TBC1D15: variants seen among roughly 807,000 people sequenced by gnomAD.
TBC1D15 encodes GAP for RAB7.
A neutral mutation model predicts 95.4 loss-of-function variants in TBC1D15; 39 were observed. The observed-to-expected ratio is 0.41, with a 90% CI of 0.32 to 0.53. The LOEUF is 0.53. Ranked by LOEUF, TBC1D15 falls within the 20% of genes least tolerant of loss-of-function variation. TBC1D15 has a pLI of 0.29. For missense variants in TBC1D15, 733 were observed against 794.3 expected (o/e 0.92, Z 0.93); for synonymous variants, 258 against 261.3 (o/e 0.99, Z 0.12).
At chr12:71,872,746 T>A (rs1045940436) in intron 2 of TBC1D15, among the ~76,000 whole-genome samples, 183 bp from the exon 3 acceptor site, 2 of 152,320 alleles carry the variant, frequency 1.3e-5, no homozygotes, top group Admixed American at 1.3e-4. Flanking sequence ...TATAAATTTT[T>A]CATGATGAAA....
chr12:71,919,198 G>A (rs1868338262), intron 14 of TBC1D15, among the ~76,000 whole-genome samples: 3 of 117,850 alleles, frequency 2.5e-5, no homozygotes, highest in South Asian at 5.7e-4. Context: ...ATAAATCAGT[G>A]TGCTTTTTTT....
chr12:71,918,560 AATT>A lies in TBC1D15; in HGVS notation c.1599+18_1599+20del, dbSNP rs759483354. 2.8e-6 allele frequency: 4 copies of A among 1,441,950 alleles called. No individual in the cohort carries two copies. The highest frequency in any genetic ancestry group is 1.2e-5 in the South Asian group (1 of 82,686). The allele number at this position is 1,441,950 out of a possible 1,614,324, so 89.3% of individuals were successfully genotyped here. A position where few individuals can be genotyped will look rare whatever the true frequency, so the allele number is the denominator to read the frequency against. ...TTCGATTATGGGAGGTAAGTCCTTAAATTATTATGCAAATGTGATATTTATTAT... is the reference window on the plus strand; with the variant it reads ...TTCGATTATGGGAGGTAAGTCCTTAAATTATGCAAATGTGATATTTATTAT... On this transcript the variant is annotated intron_variant, in intron 14 of 16. Transcript: ENST00000485960.
At chr12:71,917,891 G>GC in intron 13 of TBC1D15, 94 bp downstream of exon 13, 1 of 790,190 alleles carries the variant, frequency 1.3e-6, no homozygotes, top group Non-Finnish European at 2.1e-6. Flanking sequence ...AGGTGCAGTG[G>GC]CTCATGCCTA....
intron 9 of TBC1D15, chr12:71,897,267 A>C (rs1255756691): frequency 1.3e-5 from 2 of 154,010 alleles, no homozygotes; most frequent in African/African-American, 2.4e-5. Context: ...CTTGAAAGGA[A>C]ACACAGACCA....
At chr12:71,909,695 A>G (rs141184768) in intron 11 of TBC1D15, among the ~76,000 whole-genome samples, 26 of 152,232 alleles carry the variant, frequency 1.7e-4, no homozygotes, top group African/African-American at 5.1e-4. Flanking sequence ...GGTGTAAGCA[A>G]GTGTACAGTA....
chr12:71,858,109 C>G (rs1889521990), intron 1 of TBC1D15, among the ~76,000 whole-genome samples: 2 of 151,722 alleles, frequency 1.3e-5, no homozygotes, highest in South Asian at 4.1e-4. Flanking sequence ...TTTCGCTCTT[C>G]TTGCCCAGGC....
At chr12:71,896,606 A>G in intron 8 of TBC1D15, 71 bp from the exon 9 acceptor site, 2 of 1,295,870 alleles carry the variant, frequency 1.5e-6, no homozygotes, top group South Asian at 2.6e-5. Flanking sequence ...TCCTTTTTAT[A>G]TGCAAGTTTT....
At position 71,880,588 on chromosome 12, in the gene TBC1D15, G is replaced by T; in HGVS notation, c.324G>T (p.Arg108Ser). 1 of 1,610,946 alleles carries T rather than the reference G, an allele frequency of 6.2e-7. No individual in the cohort carries two copies. Among genetic ancestry groups the T allele is most frequent in the Non-Finnish European group, 8.5e-7 (1 of 1,178,558 alleles). The change falls in exon 4 of 17, where the codon AGG (arginine) becomes AGT (serine). Residue 108 changes from arginine (R) to serine (S), a missense_variant. Transcript: ENST00000485960. ...TGGTTAATACAGTTTCATTTAAAAG[G>T]AAACCACATACCAATGGAGGTATGA... ...WDMVNTVSFK[R>S]KPHTNGDAPS...
chr12:71,882,378 A>T (rs2138498985), intron 4 of TBC1D15, among the ~76,000 whole-genome samples: 1 of 152,228 alleles, frequency 6.6e-6, no homozygotes, highest in African/African-American at 2.4e-5. Context: ...TTTGTCCTTG[A>T]TGTTAATTCT....
At chr12:71,906,943 T>G in intron 10 of TBC1D15, 79 bp from the exon 11 acceptor site, 1 of 785,290 alleles carries the variant, frequency 1.3e-6, no homozygotes, top group Non-Finnish European at 2.0e-6. Flanking sequence ...GAAAAATGAC[T>G]CTGTACTTGT....
intron 10 of TBC1D15, among the ~76,000 whole-genome samples, chr12:71,906,643 T>A (rs890326381): frequency 7.9e-5 from 12 of 152,018 alleles, no homozygotes; most frequent in South Asian, 6.2e-4. Context: ...TTTTTTTTTT[T>A]TTATTAGTTT....
chr12:71,896,526 T>TA (rs3214522), intron 8 of TBC1D15, 151 bp from the exon 9 acceptor site: 47,628 of 668,172 alleles, frequency 0.071, 2,110 homozygotes, highest in South Asian at 0.14. Flanking sequence ...GATCTAGAAG[T>TA]AAAAAACAAG....
rs77837702 is a variant in TBC1D15, at chr12:71,841,895, A to G, written c.30+2084A>G. Among the ~76,000 whole-genome samples the G allele has an allele frequency of 1.1e-3, 162 of 152,332 alleles. 1 individual carries two copies. Among genetic ancestry groups the G allele is most frequent in the African/African-American group, 3.6e-3 (151 of 41,574 alleles). On this transcript the variant is annotated intron_variant, in intron 1 of 16. Coordinates refer to ENST00000485960, the MANE Select transcript of TBC1D15 (RefSeq NM_001146213.3). ...GCTGGTTAATGTAACATAAAAAGAC[A>G]TGATACCTTTATGCTTCCCTACTTC... is the stretch of plus-strand genomic sequence containing the variant.
At chr12:71,909,308 C>G (rs1370141073) in intron 11 of TBC1D15, among the ~76,000 whole-genome samples, 2 of 152,172 alleles carry the variant, frequency 1.3e-5, no homozygotes, top group Non-Finnish European at 2.9e-5. Context: ...TAAATTTACT[C>G]TGTCTTGTAG....
intron 1 of TBC1D15, among the ~76,000 whole-genome samples, chr12:71,854,174 G>A (rs999650979): frequency 6.6e-6 from 1 of 152,112 alleles, no homozygotes; most frequent in African/African-American, 2.4e-5. Flanking sequence ...ACTTCATTTG[G>A]TTCCTTTCTC....
At chr12:71,903,740 C>T (rs1018670351) in intron 10 of TBC1D15, among the ~76,000 whole-genome samples, 3 of 152,128 alleles carry the variant, frequency 2.0e-5, no homozygotes, top group African/African-American at 7.2e-5. Flanking sequence ...AGGCCATACT[C>T]CTAAGTGAAT....
In TBC1D15 at chr12:71,895,955, G is replaced by T. The variant is rs755677451; in HGVS notation, c.864G>T (p.Leu288Phe). Residue 288 changes from leucine (L) to phenylalanine (F), a missense_variant, in exon 8 of 17, where the codon TTG (leucine) becomes TTT (phenylalanine). Physicochemically the swap from Leu to Phe is conservative, Grantham distance 22. Coordinates refer to ENST00000485960, the MANE Select transcript of TBC1D15 (RefSeq NM_001146213.3). ...PGFEVITRID[L>F]GERPVVQRRE... is the part of the protein sequence containing the mutation. The stretch of plus-strand genomic sequence containing the variant: ...CTTAATCTTATTTTTAGATTGATTT[G>T]GGGGAACGCCCTGTTGTTCAAAGGA... 12 of 1,611,390 alleles carry T rather than the reference G, an allele frequency of 7.4e-6. No individual in the cohort carries two copies. Among genetic ancestry groups the T allele is most frequent in the Non-Finnish European group, 1.0e-5 (12 of 1,178,326 alleles).
chr12:71,877,605 A>G (rs897616772), intron 3 of TBC1D15, among the ~76,000 whole-genome samples: 3 of 123,884 alleles, frequency 2.4e-5, no homozygotes, highest in African/African-American at 6.0e-5. Flanking sequence ...GGTCTGTACT[A>G]TTTTCTAGGA....
rs1898265305 is a variant in TBC1D15, at chr12:71,896,757, A to T, written c.1065A>T (p.Arg355Ser). Residue 355 changes from arginine to serine, a missense_variant, in exon 9 of 17, where the codon AGA becomes AGT. Physicochemically the swap from Arg to Ser is moderately radical, Grantham distance 110. Coordinates refer to ENST00000485960, the MANE Select transcript of TBC1D15 (RefSeq NM_001146213.3). The part of the protein sequence containing the change: ...YFPWDSTKEE[R>S]TQLQKQKTDE... ...CCTGGGACAGTACCAAGGAGGAAAG[A>T]ACCCAATTACAAAAGCAAAAAACGT... The T allele has an allele frequency of 6.2e-7, 1 of 1,611,516 alleles. No individual in the cohort carries two copies. The highest frequency in any genetic ancestry group is 1.7e-5 in the Admixed American group (1 of 59,526).
Sources: allele counts gnomAD v4.1 joint callset (sites outside exome capture counted in the v4.1 genomes callset), GRCh38; gene constraint gnomAD v4.1.1; transcripts MANE v1.5; gene names NCBI Gene and HGNC (gene_info 2026-07-23, HGNC 2026-07-21).